The following RBFOX1 variants were observed in gnomAD, a reference collection of about 807,000 sequenced individuals.
The protein encoded by RBFOX1 is RNA binding fox-1 homolog 1, also known as RNA binding protein fox-1 homolog 1.
RBFOX1 carries 8 observed loss-of-function variants against 57.7 expected under a neutral mutation model. The observed-to-expected ratio is 0.14, with a 90% CI of 0.08 to 0.25. RBFOX1 has a LOEUF of 0.25. Ranked by LOEUF, RBFOX1 falls within the 10% of genes least tolerant of loss-of-function variation. RBFOX1 has a pLI of 1.00. For synonymous variants in RBFOX1, 326 were observed against 222.4 expected, an observed-to-expected ratio of 1.47 and a Z score of -4.15; for missense variants, 611 against 548.5, an observed-to-expected ratio of 1.11 and a Z score of -1.14.
intron 3 of RBFOX1, among the ~76,000 whole-genome samples, chr16:5,747,437 T>G (rs965759696): frequency 2.0e-5 from 3 of 152,222 alleles, no homozygotes; most frequent in African/African-American, 7.2e-5. Context: ...TTCTGTTGAT[T>G]GGACTAGTTT....
chr16:5,497,056 G>T (rs571627847), intron 2 of RBFOX1, among the ~76,000 whole-genome samples: 2 of 152,020 alleles, frequency 1.3e-5, no homozygotes, highest in South Asian at 2.1e-4. Flanking sequence ...TTTCACAATC[G>T]TTTTTTATCC....
rs77049765 is a variant in RBFOX1 at position 6,912,367 on chromosome 16, A to T, written c.-15-139690A>T. On this transcript the variant is annotated intron_variant, in intron 3 of 15. Coordinates refer to ENST00000550418, the MANE Select transcript of RBFOX1 (RefSeq NM_018723.4). ...TCTAGCAAGTTCCCAGGTGATGTGG[A>T]TCTCGGAGTGGGGACGGTACATTTT... Among the ~76,000 whole-genome samples, 63 of 152,126 alleles carry T rather than the reference A, an allele frequency of 4.1e-4. 1 individual carries two copies. In the East Asian group the frequency reaches 9.7e-3, roughly 23 times the overall value.
intron 3 of RBFOX1, among the ~76,000 whole-genome samples, chr16:5,803,894 A>G (rs1019883427): frequency 1.3e-5 from 2 of 151,868 alleles, no homozygotes; most frequent in African/African-American, 2.4e-5. Context: ...AGACTTCCAC[A>G]CCTTTGCATA....
chr16:6,159,528 G>T (rs8055304), intron 1 of RBFOX1, among the ~76,000 whole-genome samples: 4 of 151,934 alleles, frequency 2.6e-5, no homozygotes, highest in Non-Finnish European at 2.9e-5. Context: ...TCCAGTTCCA[G>T]TGCACACAGC....
At chr16:7,020,438 C>T (rs746798590) in intron 3 of RBFOX1, among the ~76,000 whole-genome samples, 1 of 152,102 alleles carries the variant, frequency 6.6e-6, no homozygotes, top group Non-Finnish European at 1.5e-5. Flanking sequence ...TGAGGCTGGT[C>T]TTGAACTCCT....
At chr16:7,401,526 AAGAT>A (rs1294076901) in intron 4 of RBFOX1, among the ~76,000 whole-genome samples, 6 of 152,248 alleles carry the variant, frequency 3.9e-5, no homozygotes, top group African/African-American at 1.4e-4. Flanking sequence ...GAAAAATAAA[AAGAT>A]AGAAAAATAG....
chr16:6,816,071 G>A (rs2089996926), intron 3 of RBFOX1, among the ~76,000 whole-genome samples: 2 of 152,126 alleles, frequency 1.3e-5, no homozygotes, highest in Admixed American at 1.3e-4. Flanking sequence ...ACTTTTGGAG[G>A]CTGAGGCAGG....
intron 1 of RBFOX1, among the ~76,000 whole-genome samples, chr16:5,257,612 C>G (rs552247965): frequency 1.3e-5 from 2 of 152,202 alleles, no homozygotes; most frequent in Non-Finnish European, 2.9e-5. Context: ...TTGGACACTT[C>G]TGGAGGCGCA....
At chr16:6,521,149 T>C (rs913488996) in intron 2 of RBFOX1, among the ~76,000 whole-genome samples, 4 of 152,102 alleles carry the variant, frequency 2.6e-5, no homozygotes, top group Admixed American at 1.3e-4. Flanking sequence ...TTTTCTGTAA[T>C]TGTGAATAAA....
At chr16:6,897,493 G>A (rs949494485) in intron 3 of RBFOX1, among the ~76,000 whole-genome samples, 6 of 152,194 alleles carry the variant, frequency 3.9e-5, no homozygotes, top group South Asian at 2.1e-4. Context: ...TTAAGAAAAT[G>A]GTCAAGTCCA....
At chr16:6,585,539 C>G (rs2097596837) in intron 2 of RBFOX1, among the ~76,000 whole-genome samples, 1 of 152,150 alleles carries the variant, frequency 6.6e-6, no homozygotes. Context: ...AGGTCCTTGC[C>G]TCTGTGACTT....
chr16:6,565,682 A>T (rs911367174), intron 2 of RBFOX1, among the ~76,000 whole-genome samples: 9 of 151,756 alleles, frequency 5.9e-5, no homozygotes, highest in African/African-American at 2.2e-4. Flanking sequence ...GTTAGCCAGG[A>T]TGGTCTCGAT....
intron 2 of RBFOX1, among the ~76,000 whole-genome samples, chr16:5,529,230 C>G (rs997000795): frequency 6.6e-6 from 1 of 152,042 alleles, no homozygotes; most frequent in East Asian, 1.9e-4. Context: ...GGGTGCGTGA[C>G]TTTGTTATGG....
At chr16:5,454,946 CCTTCCTTCCTTCCTTTCTTTCTTT>C (rs1234832651) in intron 1 of RBFOX1, among the ~76,000 whole-genome samples, 132 of 48,292 alleles carry the variant, frequency 2.7e-3, no homozygotes, top group Middle Eastern at 8.2e-3. Context: ...TTCCTTCCTT[CCTTCCTTCCTTCCTTTCTTTCTTT>C]CTTTCTTTCT....
intron 11 of RBFOX1, among the ~76,000 whole-genome samples, chr16:7,637,886 CTAAAG>C (rs1279561351): frequency 1.3e-5 from 2 of 152,098 alleles, no homozygotes; most frequent in African/African-American, 4.8e-5. Context: ...TTTTAAAAAT[CTAAAG>C]TAACAGAAAA....
chr16:6,664,491 G>C (rs1349989195), intron 3 of RBFOX1, among the ~76,000 whole-genome samples: 2 of 152,194 alleles, frequency 1.3e-5, no homozygotes, highest in African/African-American at 4.8e-5. Context: ...AGAACTTGTG[G>C]ATGGGATCTT....
intron 1 of RBFOX1, among the ~76,000 whole-genome samples, chr16:6,284,348 C>T (rs1381220910): frequency 6.6e-6 from 1 of 152,138 alleles, no homozygotes; most frequent in Non-Finnish European, 1.5e-5. Flanking sequence ...TAAACCAAAT[C>T]CCAATGATGC....
At chr16:6,247,915 A>G (rs1320546520) in intron 1 of RBFOX1, among the ~76,000 whole-genome samples, 3 of 151,788 alleles carry the variant, frequency 2.0e-5, no homozygotes, top group Non-Finnish European at 4.4e-5. Context: ...ATGGCAGAAC[A>G]TTCCAACACT....
chr16:7,592,450 A>G (rs73488665), intron 7 of RBFOX1, among the ~76,000 whole-genome samples: 7,100 of 152,266 alleles, frequency 0.047, 544 homozygotes, highest in African/African-American at 0.16. Context: ...AATGTTGGAC[A>G]GGAGGGTGAG....
Sources: gnomAD v4.1 joint callset for allele counts (sites outside exome capture counted in the v4.1 genomes callset) on GRCh38, gnomAD v4.1.1 for gene constraint, MANE v1.5 for transcripts, NCBI Gene and HGNC (gene_info 2026-07-23, HGNC 2026-07-21) for gene names.